Variants in PLBD1 observed in about 807,000 individuals in gnomAD.
PLBD1 encodes phospholipase B domain containing 1, also known as lysosomal leucine aminopeptidase.
In PLBD1, 60 loss-of-function variants were observed where a neutral mutation model predicts 63.0. The observed-to-expected ratio is 0.95, with a 90% CI of 0.77 to 1.18. The LOEUF is 1.18. Ranked by LOEUF, PLBD1 falls within the 50% of genes most tolerant of loss-of-function variation. The pLI is 0.00. For synonymous variants in PLBD1, 262 were observed against 248.0 expected (o/e 1.06, Z -0.53); for missense variants, 598 against 677.9 (o/e 0.88, Z 1.31).
intron 6 of PLBD1, among the ~76,000 whole-genome samples, chr12:14,514,106 C>T (rs146803753): frequency 1.9e-3 from 292 of 152,276 alleles, no homozygotes; most frequent in African/African-American, 5.3e-3. Flanking sequence ...AGCCTCTACA[C>T]GGCTGCCATT....
At chr12:14,508,234 A>G (rs926443008) in intron 8 of PLBD1, among the ~76,000 whole-genome samples, 7 of 152,234 alleles carry the variant, frequency 4.6e-5, no homozygotes, top group African/African-American at 1.7e-4. Flanking sequence ...ATTATTAGGT[A>G]TGTGACCTTG....
chr12:14,504,059 T>G, intron 10 of PLBD1, 105 bp from the exon 11 acceptor site: 1 of 1,135,620 alleles, frequency 8.8e-7, no homozygotes, highest in South Asian at 1.5e-5. Flanking sequence ...AATATTAGCT[T>G]TTTTTTTGAG....
intron 6 of PLBD1, among the ~76,000 whole-genome samples, chr12:14,521,062 G>A (rs1234401758): frequency 6.6e-6 from 1 of 152,138 alleles, no homozygotes; most frequent in African/African-American, 2.4e-5. Flanking sequence ...AGGCTCTGCT[G>A]CAAGTACACT....
chr12:14,556,558 A>T (rs762277330), intron 1 of PLBD1, among the ~76,000 whole-genome samples: 36 of 151,758 alleles, frequency 2.4e-4, no homozygotes, highest in Non-Finnish European at 2.9e-4. Flanking sequence ...TAGTAGAGAC[A>T]TTGTTTCTCC....
chr12:14,507,056 G>A lies in PLBD1; in HGVS notation c.1249C>T (p.Leu417=). 6.2e-7 allele frequency: 1 copy of A among 1,613,884 alleles called. No individual in the cohort carries two copies. ...TCCAAGCCCAGCTTCTGAACTAACA[G>A]TGGATAGCCACTCCAGTTGTAGATT... The part of the protein sequence containing the change: ...EKIYNWSGYP[L]LVQKLGLDYS... Residue 417 remains leucine, a synonymous_variant, in exon 9 of 11, where the codon CTG becomes TTG. Transcript: ENST00000240617.
Position 14,542,221 on chromosome 12 carries a change from G to T in PLBD1, c.406C>A (p.Gln136Lys), listed in dbSNP as rs369127105. Residue 136 changes from glutamine (Q) to lysine (K), a missense_variant, in exon 3 of 11, where the codon CAG becomes AAG. Gln to Lys is a moderately conservative substitution (Grantham distance 53, BLOSUM62 1). Coordinates refer to ENST00000240617, the MANE Select transcript of PLBD1 (RefSeq NM_024829.6). ...ITKPSIMDKV[Q>K]DFMEKQDKWT... ...TATTATACGTACTCCATAAAATCCT[G>T]CACTTTATCCATGATGGAAGGTTTC... 2 of 1,604,318 alleles carry T rather than the reference G, an allele frequency of 1.2e-6. No homozygotes were observed. Among genetic ancestry groups the T allele is most frequent in the African/African-American group, 2.7e-5 (2 of 74,820 alleles).
chr12:14,512,677 T>A (rs537157198), intron 6 of PLBD1, among the ~76,000 whole-genome samples: 1 of 152,244 alleles, frequency 6.6e-6, no homozygotes, highest in African/African-American at 2.4e-5. Flanking sequence ...AAAGAGAGGA[T>A]ATACTGTCAT....
chr12:14,529,270 A>G (rs1487354197), intron 6 of PLBD1, among the ~76,000 whole-genome samples: 1 of 152,108 alleles, frequency 6.6e-6, no homozygotes, highest in African/African-American at 2.4e-5. Flanking sequence ...CACTTAGGAG[A>G]AAGAAATAAT....
At chr12:14,509,032 TATC>T (rs2136904305) in intron 8 of PLBD1, among the ~76,000 whole-genome samples, 1 of 145,618 alleles carries the variant, frequency 6.9e-6, no homozygotes, top group Non-Finnish European at 1.5e-5. Flanking sequence ...GGCTATATGA[TATC>T]ATGTATTTGT....
chr12:14,564,015 G>T (rs980990843), intron 1 of PLBD1, among the ~76,000 whole-genome samples: 1 of 152,218 alleles, frequency 6.6e-6, no homozygotes, highest in Non-Finnish European at 1.5e-5. Flanking sequence ...ACCTGTGGGA[G>T]GATCACTTGC....
chr12:14,506,312 G>A (rs747230399), intron 9 of PLBD1, 44 bp from the exon 10 acceptor site: 1 of 1,375,446 alleles, frequency 7.3e-7, no homozygotes. Context: ...TGGCTATTTG[G>A]AGACACACTT....
chr12:14,509,905 T>A (rs1945283495), intron 8 of PLBD1, among the ~76,000 whole-genome samples: 1 of 152,218 alleles, frequency 6.6e-6, no homozygotes, highest in Non-Finnish European at 1.5e-5. Context: ...TTAATTTTCA[T>A]GACCATCCTG....
At chr12:14,553,018 G>A (rs931915526) in intron 2 of PLBD1, among the ~76,000 whole-genome samples, 175 bp downstream of exon 2, 1 of 152,176 alleles carries the variant, frequency 6.6e-6, no homozygotes, top group African/African-American at 2.4e-5. Flanking sequence ...AAGCGAGACT[G>A]TGTCCCATGC....
At chr12:14,553,648 AGCATCATAGAG>A in intron 1 of PLBD1, 1 of 564,600 alleles carries the variant, frequency 1.8e-6, no homozygotes, top group Non-Finnish European at 3.2e-6. Context: ...GTGTAGCTAC[AGCATCATAGAG>A]GTGAGCCTGA....
intron 1 of PLBD1, among the ~76,000 whole-genome samples, chr12:14,558,189 C>T (rs76505880): frequency 0.032 from 4,814 of 152,056 alleles, 120 homozygotes; most frequent in Non-Finnish European, 0.048. Context: ...CCTGATTAAA[C>T]GCTTAAGGAA....
chr12:14,506,688 TTTC>T (rs1945258222), intron 9 of PLBD1, among the ~76,000 whole-genome samples: 1 of 151,878 alleles, frequency 6.6e-6, no homozygotes, highest in Non-Finnish European at 1.5e-5. Context: ...CTATGAGTTA[TTTC>T]TTCTGTGTTT....
chr12:14,529,197 AAAAT>A (rs546031480), intron 6 of PLBD1, among the ~76,000 whole-genome samples: 1 of 151,846 alleles, frequency 6.6e-6, no homozygotes, highest in Non-Finnish European at 1.5e-5. Flanking sequence ...CCTGTCTTTA[AAAAT>A]AAATAAATAA....
At chr12:14,504,075 G>T in intron 10 of PLBD1, 121 bp from the exon 11 acceptor site, 2 of 948,224 alleles carry the variant, frequency 2.1e-6, no homozygotes, top group South Asian at 1.7e-5. Flanking sequence ...TTGAGTCGGA[G>T]TTTCGCTCTT....
chr12:14,525,669 C>T (rs1053908470), intron 6 of PLBD1, among the ~76,000 whole-genome samples: 1 of 151,138 alleles, frequency 6.6e-6, no homozygotes, highest in South Asian at 2.1e-4. Context: ...ATATACTTAA[C>T]AGCTTACTTC....
Sources: allele counts gnomAD v4.1 joint callset (sites outside exome capture counted in the v4.1 genomes callset), GRCh38; gene constraint gnomAD v4.1.1; transcripts MANE v1.5; gene names NCBI Gene and HGNC (gene_info 2026-07-23, HGNC 2026-07-21).